The following PRKCI variants were observed in gnomAD, a reference collection of about 807,000 sequenced individuals.
The protein encoded by PRKCI is protein kinase C iota, also known as protein kinase C iota type.
A neutral mutation model predicts 84.0 loss-of-function variants in PRKCI; 43 were observed. The observed-to-expected ratio is 0.51, with a 90% CI of 0.40 to 0.66. The LOEUF (loss-of-function observed/expected upper bound fraction) is 0.66. Ranked by LOEUF, PRKCI falls within the 30% of genes least tolerant of loss-of-function variation. The pLI is 0.00. For synonymous variants in PRKCI, 216 were observed against 234.4 expected (o/e 0.92, Z 0.72); for missense variants, 459 against 745.6 (o/e 0.62, Z 4.48).
chr3:170,289,508 T>C (rs545496155), intron 12 of PRKCI, among the ~76,000 whole-genome samples: 1 of 152,272 alleles, frequency 6.6e-6, no homozygotes, highest in Admixed American at 6.5e-5. Context: ...GGCACAGTGC[T>C]CACGCCTGTA....
At chr3:170,275,191 T>A (rs1375398145) in intron 7 of PRKCI, 38 bp from the exon 8 acceptor site, 1 of 1,327,120 alleles carries the variant, frequency 7.5e-7, no homozygotes, top group South Asian at 1.8e-5. Flanking sequence ...CTGCACCTTT[T>A]TTTTTTTTTT....
intron 7 of PRKCI, among the ~76,000 whole-genome samples, chr3:170,274,087 T>A (rs975037945): frequency 1.3e-5 from 2 of 152,178 alleles, no homozygotes; most frequent in Admixed American, 1.3e-4. Context: ...ATGAAAAACA[T>A]GAGGCTGATT....
At chr3:170,261,259 C>T (rs1253685782) in intron 3 of PRKCI, among the ~76,000 whole-genome samples, 1 of 151,742 alleles carries the variant, frequency 6.6e-6, no homozygotes, top group East Asian at 1.9e-4. Flanking sequence ...ACCACCATGC[C>T]CAGCCAAGAA....
chr3:170,257,832 T>C (rs544807500), intron 2 of PRKCI, among the ~76,000 whole-genome samples: 1 of 152,098 alleles, frequency 6.6e-6, no homozygotes, highest in Admixed American at 6.5e-5. Flanking sequence ...GCCCAGCTAA[T>C]TTTTGTGTTT....
At chr3:170,277,110 G>A (rs79229822) in intron 8 of PRKCI, among the ~76,000 whole-genome samples, 2 of 150,904 alleles carry the variant, frequency 1.3e-5, no homozygotes, top group Non-Finnish European at 2.9e-5. Flanking sequence ...AAATTAGGGC[G>A]TGGTGGCACA....
At chr3:170,267,153 A>G (rs1435937691) in intron 4 of PRKCI, among the ~76,000 whole-genome samples, 2 of 152,028 alleles carry the variant, frequency 1.3e-5, no homozygotes, top group Non-Finnish European at 2.9e-5. Flanking sequence ...ATCTCAGACA[A>G]TGGATACTTG....
rs1335738205 is a variant in PRKCI at position 170,280,335 on chromosome 3, C to A, written c.814C>A (p.Arg272=). Residue 272 remains arginine, a synonymous_variant, in exon 9 of 18, where the codon CGA becomes AGA. Transcript: ENST00000295797. ...RGSYAKVLLV[R]LKKTDRIYAM... Reference sequence around the variant, plus strand: ...AAGTTATGCCAAAGTACTGTTGGTTCGATTAAAAAAAACAGATCGTATTTA... The same window carrying A: ...AAGTTATGCCAAAGTACTGTTGGTTAGATTAAAAAAAACAGATCGTATTTA... 1 of 1,611,486 alleles carries A rather than the reference C, an allele frequency of 6.2e-7. No homozygotes were observed. Among genetic ancestry groups the A allele is most frequent in the African/African-American group, 1.3e-5 (1 of 74,320 alleles).
At chr3:170,244,751 A>G (rs1419020947) in intron 2 of PRKCI, 2 of 152,240 alleles carry the variant, frequency 1.3e-5, no homozygotes. Flanking sequence ...GTTCGGAAGC[A>G]TGTATAATAT....
At chr3:170,280,182 G>A (rs764536740) in intron 8 of PRKCI, 45 bp from the exon 9 acceptor site, 28 of 1,527,906 alleles carry the variant, frequency 1.8e-5, no homozygotes, top group Middle Eastern at 4.8e-4. Flanking sequence ...AATGTACTAC[G>A]CAAAGCATTT....
At chr3:170,270,680 G>C in intron 6 of PRKCI, 119 bp downstream of exon 6, 1 of 1,240,952 alleles carries the variant, frequency 8.1e-7, no homozygotes, top group African/African-American at 1.5e-5. Flanking sequence ...AGTAGCTACA[G>C]AGTATGGGGA....
In PRKCI at chr3:170,222,603, C is replaced by G; in HGVS notation, c.-67C>G. Reference sequence around the variant, plus strand: ...CTCCGGCAAGCGCAGGCGGCGGAGTCCCCCACGGCGCCCGAAGCGCCCCCC... The same window carrying G: ...CTCCGGCAAGCGCAGGCGGCGGAGTGCCCCACGGCGCCCGAAGCGCCCCCC... On this transcript the variant is annotated 5_prime_UTR_variant, in exon 1 of 18. Transcript: ENST00000295797. 1.5e-6 allele frequency: 2 copies of G among 1,374,508 alleles called. No homozygotes were observed. The highest frequency in any genetic ancestry group is 3.0e-5 in the African/African-American group (2 of 66,708). 85.1% of individuals were successfully genotyped at this position (1,374,508 alleles called of 1,614,324 possible).
At chr3:170,257,134 A>G (rs540715104) in intron 2 of PRKCI, among the ~76,000 whole-genome samples, 148 of 152,278 alleles carry the variant, frequency 9.7e-4, no homozygotes, top group African/African-American at 3.5e-3. Context: ...CATGGTAGAG[A>G]ATAAGTGGGT....
intron 2 of PRKCI, 48 bp downstream of exon 2, chr3:170,235,399 T>C (rs763649832): frequency 6.3e-7 from 1 of 1,590,310 alleles, no homozygotes; most frequent in South Asian, 1.1e-5. Flanking sequence ...TAAGATCTTA[T>C]TCTATCATTT....
At chr3:170,297,695 A>G (rs879285079) in intron 16 of PRKCI, among the ~76,000 whole-genome samples, 1 of 151,502 alleles carries the variant, frequency 6.6e-6, no homozygotes, top group Admixed American at 6.6e-5. Flanking sequence ...ACCTCAGGTG[A>G]TACACCCACC....
At chr3:170,235,196 C>A (rs1486821062) in intron 1 of PRKCI, 34 bp from the exon 2 acceptor site, 2 of 1,597,466 alleles carry the variant, frequency 1.3e-6, no homozygotes, top group South Asian at 2.2e-5. Flanking sequence ...TATTTTTAAT[C>A]ATTTTCAAAC....
In PRKCI at chr3:170,295,987, T is replaced by G. The variant is rs1734678142; in HGVS notation, c.1494T>G (p.Asn498Lys). 1 of 1,529,726 alleles carries G rather than the reference T, an allele frequency of 6.5e-7. No individual in the cohort carries two copies. The highest frequency in any genetic ancestry group is 1.4e-5 in the African/African-American group (1 of 73,048). The allele number at this position is 1,529,726 out of a possible 1,614,324, so 94.8% of individuals were successfully genotyped here. ...CAAGTGTTCTGAAGAGTTTTCTTAA[T>G]AAGGTATAAATTGTGTATAAGAATA... is the stretch of plus-strand genomic sequence containing the variant. Reference protein sequence around the residue: ...KAASVLKSFLNKDPKERLGCH... With the variant: ...KAASVLKSFLKKDPKERLGCH... The change falls in exon 15 of 18, where the codon AAT (asparagine) becomes AAG (lysine). Residue 498 changes from asparagine (N) to lysine (K), a missense_variant. Asn to Lys is a moderately conservative substitution (Grantham distance 94, BLOSUM62 0). Around this residue, in one of 2 missense-constraint regions of PRKCI, gnomAD observed 209 missense variants for 425.9 expected, o/e 0.49. Coordinates refer to ENST00000295797, the MANE Select transcript of PRKCI (RefSeq NM_002740.6).
At chr3:170,248,611 A>T (rs1286881312) in intron 2 of PRKCI, among the ~76,000 whole-genome samples, 1 of 152,214 alleles carries the variant, frequency 6.6e-6, no homozygotes, top group Non-Finnish European at 1.5e-5. Flanking sequence ...TGGCCGAAAC[A>T]GGTAATACTT....
chr3:170,267,499 C>A (rs1733889904), intron 4 of PRKCI, among the ~76,000 whole-genome samples: 1 of 151,874 alleles, frequency 6.6e-6, no homozygotes, highest in South Asian at 2.1e-4. Context: ...CATGGAGAAA[C>A]CCTGTCTCTA....
chr3:170,289,943 T>G (rs928397965), intron 12 of PRKCI, among the ~76,000 whole-genome samples: 2 of 150,462 alleles, frequency 1.3e-5, no homozygotes, highest in African/African-American at 4.9e-5. Flanking sequence ...CGTGGTTGCA[T>G]GCACCTGTAA....
Sources: allele counts gnomAD v4.1 joint callset (sites outside exome capture counted in the v4.1 genomes callset), GRCh38; gene constraint gnomAD v4.1.1; regional missense constraint gnomAD v4.1.1; transcripts MANE v1.5; gene names NCBI Gene and HGNC (gene_info 2026-07-23, HGNC 2026-07-21).